Variants in DLC1 observed in about 807,000 individuals in gnomAD.
DLC1 encodes DLC1 Rho GTPase activating protein, also known as rho GTPase-activating protein 7.
DLC1 carries 54 observed loss-of-function variants against 140.3 expected under a neutral mutation model. The ratio of observed to expected loss-of-function variants is 0.38; its 90% confidence interval spans 0.31 to 0.48. The LOEUF is 0.48. Among genes scored for constraint, DLC1 ranks in the 20% least tolerant of loss-of-function variants. DLC1 has a pLI of 0.96. For synonymous variants in DLC1, 986 were observed against 728.1 expected, an observed-to-expected ratio of 1.35 and a Z score of -5.70; for missense variants, 2,536 against 1,907.0, an observed-to-expected ratio of 1.33 and a Z score of -6.14.
Position 13,429,396 on chromosome 8 carries a change from C to T in DLC1, c.1024-27777G>A, listed in dbSNP as rs142267211. Among the ~76,000 whole-genome samples the T allele has an allele frequency of 6.4e-4, 97 of 152,208 alleles. 2 individuals are homozygous for T. Among genetic ancestry groups the T allele is most frequent in the Non-Finnish European group, 8.7e-4 (59 of 68,004 alleles). On this transcript the variant is annotated intron_variant, in intron 2 of 17. Transcript: ENST00000276297. ...TAAGTATCTGGCCACTATCCCCATA[C>T]GGTCTGATTTAATAAATTTGGGATA...
chr8:13,460,986 G>A (rs566188478), intron 2 of DLC1, among the ~76,000 whole-genome samples: 1 of 152,204 alleles, frequency 6.6e-6, no homozygotes, highest in Admixed American at 6.5e-5. Context: ...GCCAAGGCAG[G>A]AGGTTCACTT....
chr8:13,292,295 C>T lies in DLC1; in HGVS notation c.1348+12974G>A, dbSNP rs116009679. ...GCCACTCCCTACATGTGGGGATGAG[C>T]GGTCACTGCTCTGTTTATATTCTAT... On this transcript the variant is annotated intron_variant, in intron 5 of 17. Coordinates refer to ENST00000276297, the MANE Select transcript of DLC1 (RefSeq NM_182643.3). 4.4e-3 allele frequency among the ~76,000 whole-genome samples: 667 copies of T among 152,210 alleles called. 2 individuals carry two copies. The highest frequency in any genetic ancestry group is 0.016 in the African/African-American group (644 of 41,532).
At chr8:13,358,892 A>T (rs1278316217) in intron 4 of DLC1, among the ~76,000 whole-genome samples, 1 of 152,234 alleles carries the variant, frequency 6.6e-6, no homozygotes, top group Non-Finnish European at 1.5e-5. Flanking sequence ...CCTAGGCAAC[A>T]CTATTTGAAA....
At chr8:13,411,591 G>A (rs1020865903) in intron 2 of DLC1, among the ~76,000 whole-genome samples, 8 of 152,148 alleles carry the variant, frequency 5.3e-5, no homozygotes, top group Admixed American at 4.6e-4. Context: ...TGTTACAAAT[G>A]TACTACTTTG....
In DLC1 at chr8:13,602,132, A is replaced by G. The variant is rs140227961; in HGVS notation, c.-126+2405T>C. On this transcript the variant is annotated intron_variant, in intron 1 of 1. Transcript: ENST00000631382. Reference sequence around the variant, plus strand: ...AAATAGCAGTTTACAAAAACAGGGAAATCAGAGGAACATGTTAAACAATAC... The same window carrying G: ...AAATAGCAGTTTACAAAAACAGGGAGATCAGAGGAACATGTTAAACAATAC... Among the ~76,000 whole-genome samples, 20 of 151,994 alleles carry G rather than the reference A, an allele frequency of 1.3e-4. No homozygotes were observed. The East Asian group carries it at 3.9e-3, about 29-fold the overall frequency.
Position 13,512,790 on chromosome 8 carries a change from A to G in DLC1, c.-126+1812T>C, listed in dbSNP as rs1563412478. 2.6e-5 allele frequency among the ~76,000 whole-genome samples: 4 copies of G among 152,246 alleles called. No homozygotes were observed. In the East Asian group the frequency reaches 7.7e-4, roughly 29 times the overall value. ...CTATTTTTAAAGAAACATCAGATTAAAATTAATATAATTATTAGCATATGG... is the reference window on the plus strand; with the variant it reads ...CTATTTTTAAAGAAACATCAGATTAGAATTAATATAATTATTAGCATATGG... On this transcript the variant is annotated intron_variant, in intron 1 of 17. Transcript: ENST00000276297.
At chr8:13,560,595 T>C (rs1040151676) in intron 1 of DLC1, among the ~76,000 whole-genome samples, 2 of 152,214 alleles carry the variant, frequency 1.3e-5, no homozygotes, top group African/African-American at 4.8e-5. Context: ...TCATACAAAC[T>C]ACACTTCATG....
chr8:13,562,421 A>G (rs1007591226), intron 1 of DLC1, among the ~76,000 whole-genome samples: 3 of 152,210 alleles, frequency 2.0e-5, no homozygotes, highest in Non-Finnish European at 2.9e-5. Flanking sequence ...TATATGGTAC[A>G]CATAAAAAGA....
At chr8:13,496,786 C>CTTTT (rs869192950) in intron 2 of DLC1, among the ~76,000 whole-genome samples, 3 of 23,504 alleles carry the variant, frequency 1.3e-4, no homozygotes, top group South Asian at 1.4e-3. Flanking sequence ...AGACCATTTC[C>CTTTT]TTTTTTTTTT....
intron 5 of DLC1, chr8:13,133,190 T>C (rs1255344211): frequency 2.8e-6 from 4 of 1,428,132 alleles, no homozygotes; most frequent in East Asian, 5.2e-5. Flanking sequence ...GCTCAGGGAG[T>C]TGGGCGAGAA....
chr8:13,266,628 C>T (rs879915635), intron 5 of DLC1, among the ~76,000 whole-genome samples: 2 of 151,940 alleles, frequency 1.3e-5, no homozygotes, highest in Non-Finnish European at 2.9e-5. Flanking sequence ...GCCTGTAGTC[C>T]CAGCTACTCG....
chr8:13,356,907 T>C (rs1338694353), intron 4 of DLC1, among the ~76,000 whole-genome samples: 1 of 152,008 alleles, frequency 6.6e-6, no homozygotes, highest in Non-Finnish European at 1.5e-5. Context: ...CTTAAGATGT[T>C]AGTGTTAGGG....
chr8:13,305,234 A>G, intron 5 of DLC1, 35 bp downstream of exon 5: 1 of 1,607,836 alleles, frequency 6.2e-7, no homozygotes, highest in Non-Finnish European at 8.5e-7. Context: ...TCTAAAATAG[A>G]TTGGCGAGAA....
intron 4 of DLC1, among the ~76,000 whole-genome samples, chr8:13,377,081 G>A (rs969330002): frequency 2.0e-5 from 3 of 152,184 alleles, no homozygotes; most frequent in Non-Finnish European, 4.4e-5. Flanking sequence ...TCTCTTTGGT[G>A]GAGTAAGTTG....
intron 5 of DLC1, among the ~76,000 whole-genome samples, chr8:13,158,733 T>TCCCCCCCCCCCCCCC (rs71207127): frequency 3.4e-5 from 2 of 58,984 alleles, no homozygotes; most frequent in African/African-American, 6.7e-5. Flanking sequence ...ACCACCACCC[T>TCCCCCCCCCCCCCCC]CCCCCCCCCC....
At chr8:13,222,636 C>T (rs1196750041) in intron 5 of DLC1, among the ~76,000 whole-genome samples, 1 of 152,138 alleles carries the variant, frequency 6.6e-6, no homozygotes, top group Admixed American at 6.5e-5. Flanking sequence ...ATAGCTTCTG[C>T]TGCTTATTTT....
intron 1 of DLC1, among the ~76,000 whole-genome samples, chr8:13,588,281 A>G (rs891074814): frequency 6.6e-6 from 1 of 152,148 alleles, no homozygotes; most frequent in Non-Finnish European, 1.5e-5. Flanking sequence ...GAAGCATGAT[A>G]CCTATATTAG....
At chr8:13,215,164 A>G (rs970366429) in intron 5 of DLC1, among the ~76,000 whole-genome samples, 2 of 152,192 alleles carry the variant, frequency 1.3e-5, no homozygotes, top group African/African-American at 4.8e-5. Flanking sequence ...CATTCTCTAT[A>G]TCCTTACGAT....
At chr8:13,156,314 A>G (rs1448956577) in intron 5 of DLC1, among the ~76,000 whole-genome samples, 4 of 152,182 alleles carry the variant, frequency 2.6e-5, no homozygotes, top group East Asian at 3.8e-4. Flanking sequence ...ATTCACATAC[A>G]GTATCCTGAG....
Sources: gnomAD v4.1 joint callset for allele counts (sites outside exome capture counted in the v4.1 genomes callset) on GRCh38, gnomAD v4.1.1 for gene constraint, MANE v1.5 for transcripts, NCBI Gene and HGNC (gene_info 2026-07-23, HGNC 2026-07-21) for gene names.